The following NCOA1 variants were observed in gnomAD, a reference collection of about 807,000 sequenced individuals.
NCOA1 encodes nuclear receptor coactivator 1.
A neutral mutation model predicts 150.9 loss-of-function variants in NCOA1; 35 were observed. That is an observed-to-expected ratio of 0.23 (90% CI 0.18 to 0.31). NCOA1 has a LOEUF of 0.31. Ranked by LOEUF, NCOA1 falls within the 10% of genes least tolerant of loss-of-function variation. The pLI is 1.00. For missense variants in NCOA1, 1,491 were observed against 1,749.3 expected (o/e 0.85, Z 2.63); for synonymous variants, 590 against 630.0 (o/e 0.94, Z 0.95).
intron 1 of NCOA1, among the ~76,000 whole-genome samples, chr2:24,539,402 A>G (rs1228834390): frequency 2.0e-5 from 3 of 152,246 alleles, no homozygotes; most frequent in Admixed American, 2.0e-4. Flanking sequence ...ATGGCCTCCC[A>G]TAATTACTGA....
At chr2:24,757,327 A>G (rs149488786) in intron 20 of NCOA1, among the ~76,000 whole-genome samples, 2 of 152,362 alleles carry the variant, frequency 1.3e-5, no homozygotes, top group East Asian at 3.9e-4. Context: ...GCACAGATAC[A>G]GTAAACCATT....
intron 2 of NCOA1, among the ~76,000 whole-genome samples, chr2:24,567,834 T>C (rs752097533): frequency 2.6e-5 from 4 of 152,188 alleles, no homozygotes; most frequent in Non-Finnish European, 5.9e-5. Flanking sequence ...CACTGCAACC[T>C]CCGCCTCCTG....
chr2:24,728,914 G>A (rs1192782785), intron 16 of NCOA1, among the ~76,000 whole-genome samples: 1 of 152,222 alleles, frequency 6.6e-6, no homozygotes, highest in Non-Finnish European at 1.5e-5. Flanking sequence ...CAAAGTATGA[G>A]AATGCATAGC....
chr2:24,610,230 T>A (rs182193971), intron 3 of NCOA1, among the ~76,000 whole-genome samples: 13 of 151,080 alleles, frequency 8.6e-5, no homozygotes, highest in Admixed American at 6.6e-4. Context: ...TTCAAGCGAT[T>A]CTCCTGCCTC....
intron 8 of NCOA1, 39 bp downstream of exon 8, chr2:24,683,167 C>A: frequency 7.6e-7 from 1 of 1,314,770 alleles, no homozygotes; most frequent in Non-Finnish European, 1.0e-6. Context: ...TACTAGCTCT[C>A]TGTATCTTCT....
chr2:24,553,351 TG>T (rs199601160), intron 1 of NCOA1, among the ~76,000 whole-genome samples: 1,880 of 152,146 alleles, frequency 0.012, 22 homozygotes, highest in Non-Finnish European at 0.019. Flanking sequence ...CCCGAGTAGC[TG>T]GGATTACAGG....
At chr2:24,542,849 T>C (rs952508982) in intron 1 of NCOA1, among the ~76,000 whole-genome samples, 5 of 152,228 alleles carry the variant, frequency 3.3e-5, no homozygotes, top group East Asian at 1.9e-4. Context: ...ATTAGTAAAC[T>C]TGATTTAACA....
At chr2:24,641,122 T>G (rs1670198106) in intron 3 of NCOA1, among the ~76,000 whole-genome samples, 1 of 151,850 alleles carries the variant, frequency 6.6e-6, no homozygotes, top group Non-Finnish European at 1.5e-5. Flanking sequence ...CTTTTATAAT[T>G]TTTAAGTGGA....
chr2:24,642,530 G>A (rs946319162), intron 3 of NCOA1, among the ~76,000 whole-genome samples: 1 of 151,936 alleles, frequency 6.6e-6, no homozygotes, highest in Admixed American at 6.6e-5. Context: ...ATTGTGGATT[G>A]TTATCTCTTT....
intron 9 of NCOA1, 97 bp from the exon 10 acceptor site, chr2:24,693,155 A>G: frequency 8.2e-7 from 1 of 1,216,292 alleles, no homozygotes; most frequent in Non-Finnish European, 1.2e-6. Context: ...CGTCTGGCCA[A>G]CATGTATTGT....
At chr2:24,694,306 C>T (rs1211238537) in intron 10 of NCOA1, among the ~76,000 whole-genome samples, 2 of 152,068 alleles carry the variant, frequency 1.3e-5, no homozygotes, top group African/African-American at 2.4e-5. Context: ...TTACGACAAC[C>T]AGAGTTACAT....
At chr2:24,739,577 C>T (rs1572666172) in intron 18 of NCOA1, 44 bp downstream of exon 18, 1 of 1,418,340 alleles carries the variant, frequency 7.1e-7, no homozygotes. Flanking sequence ...CTTTAACCCA[C>T]ATAGTGTTTC....
At chr2:24,582,459 A>G (rs1243366859) in intron 2 of NCOA1, among the ~76,000 whole-genome samples, 1 of 152,204 alleles carries the variant, frequency 6.6e-6, no homozygotes, top group African/African-American at 2.4e-5. Flanking sequence ...AAGAGGTCCT[A>G]CAAAAAATGG....
At chr2:24,525,403 G>A (rs1474520205) in intron 1 of NCOA1, among the ~76,000 whole-genome samples, 2 of 152,064 alleles carry the variant, frequency 1.3e-5, no homozygotes, top group African/African-American at 2.4e-5. Flanking sequence ...AGAGAACAAG[G>A]GTGGCATATT....
intron 8 of NCOA1, among the ~76,000 whole-genome samples, chr2:24,689,992 A>G (rs1054083970): frequency 1.3e-5 from 2 of 152,144 alleles, no homozygotes; most frequent in South Asian, 4.1e-4. Flanking sequence ...CAGAATAGAA[A>G]CTTCATTTCC....
At chr2:24,732,491 G>A (rs1002036282) in intron 17 of NCOA1, among the ~76,000 whole-genome samples, 3 of 152,226 alleles carry the variant, frequency 2.0e-5, no homozygotes, top group African/African-American at 4.8e-5. Flanking sequence ...GCACTAGGTC[G>A]CTCAGCTTCA....
intron 1 of NCOA1, among the ~76,000 whole-genome samples, chr2:24,545,980 G>A (rs1665591396): frequency 6.6e-6 from 1 of 152,020 alleles, no homozygotes; most frequent in East Asian, 1.9e-4. Flanking sequence ...GTAGAGATGG[G>A]GTTTCACCAT....
intron 1 of NCOA1, among the ~76,000 whole-genome samples, chr2:24,492,453 C>T (rs76948839): frequency 0.029 from 4,418 of 152,158 alleles, 73 homozygotes; most frequent in African/African-American, 0.046. Context: ...AAGCAGTTAC[C>T]CCCATGGGTA....
At chr2:24,542,925 A>C (rs1665459982) in intron 1 of NCOA1, among the ~76,000 whole-genome samples, 1 of 152,222 alleles carries the variant, frequency 6.6e-6, no homozygotes, top group Non-Finnish European at 1.5e-5. Context: ...ATCGTCACTA[A>C]GTCTAAGCCA....
Sources: allele counts gnomAD v4.1 joint callset (sites outside exome capture counted in the v4.1 genomes callset), GRCh38; gene constraint gnomAD v4.1.1; transcripts MANE v1.5; gene names NCBI Gene and HGNC (gene_info 2026-07-23, HGNC 2026-07-21).